NMNAT2: variants seen among roughly 807,000 people sequenced by gnomAD.
NMNAT2 encodes nicotinamide nucleotide adenylyltransferase 2.
NMNAT2 carries 11 observed loss-of-function variants against 41.6 expected under a neutral mutation model. The observed-to-expected ratio is 0.26, with a 90% CI of 0.17 to 0.44. NMNAT2 has a LOEUF of 0.44. Among genes scored for constraint, NMNAT2 ranks in the 20% least tolerant of loss-of-function variants. NMNAT2 has a pLI of 1.00. For missense variants in NMNAT2, 288 were observed against 407.7 expected, an observed-to-expected ratio of 0.71 and a Z score of 2.53; for synonymous variants, 148 against 151.2, an observed-to-expected ratio of 0.98 and a Z score of 0.16.
rs140805634 is a variant in NMNAT2, at chr1:183,304,738, A to G, written c.86-10945T>C. 13 of 1,613,818 alleles carry G rather than the reference A, an allele frequency of 8.1e-6. No individual in the cohort carries two copies. The African/African-American group carries it at 1.6e-4, about 20-fold the overall frequency. On this transcript the variant is annotated intron_variant, in intron 1 of 10. Coordinates refer to ENST00000287713, the MANE Select transcript of NMNAT2 (RefSeq NM_015039.4). ...AATTTCCTCTAGTTCCTGGATTTCC[A>G]TCTATTTGTCTGGTTTTTGCAGCCA... is the stretch of plus-strand genomic sequence containing the variant.
At chr1:183,417,982 C>T (rs1453414501) in intron 1 of NMNAT2, among the ~76,000 whole-genome samples, 1 of 152,104 alleles carries the variant, frequency 6.6e-6, no homozygotes, top group Non-Finnish European at 1.5e-5. Context: ...GGGTCTGGCC[C>T]CGGCAAGTGA....
intron 1 of NMNAT2, among the ~76,000 whole-genome samples, chr1:183,326,370 C>A (rs2102334708): frequency 1.3e-5 from 1 of 77,478 alleles, no homozygotes; most frequent in Non-Finnish European, 2.3e-5. Context: ...AGTGAGACTC[C>A]ATCTCAAAAA....
intron 1 of NMNAT2, among the ~76,000 whole-genome samples, chr1:183,334,091 G>A (rs997640994): frequency 2.6e-5 from 4 of 152,216 alleles, no homozygotes; most frequent in Non-Finnish European, 1.5e-5. Flanking sequence ...TTGAGACGGT[G>A]TCTTGCTCTG....
At chr1:183,287,710 G>C (rs926992265) in intron 4 of NMNAT2, among the ~76,000 whole-genome samples, 4 of 152,194 alleles carry the variant, frequency 2.6e-5, no homozygotes, top group African/African-American at 9.7e-5. Context: ...GCTTATTCAA[G>C]GTTTCTTCGT....
At chr1:183,271,751 A>G (rs549034058) in intron 8 of NMNAT2, among the ~76,000 whole-genome samples, 3 of 151,558 alleles carry the variant, frequency 2.0e-5, no homozygotes, top group Admixed American at 6.6e-5. Context: ...AATCAGAATT[A>G]TTTTTTTCTT....
At chr1:183,375,882 T>C (rs1360504778) in intron 1 of NMNAT2, among the ~76,000 whole-genome samples, 2 of 152,212 alleles carry the variant, frequency 1.3e-5, no homozygotes, top group East Asian at 3.8e-4. Context: ...CACACTCTGG[T>C]ATTAGAACAA....
chr1:183,405,063 AG>A (rs1221665577), intron 1 of NMNAT2, among the ~76,000 whole-genome samples: 6 of 152,112 alleles, frequency 3.9e-5, no homozygotes, highest in African/African-American at 1.4e-4. Flanking sequence ...TCTATAAAAA[AG>A]CAAAAATTAG....
intron 1 of NMNAT2, among the ~76,000 whole-genome samples, chr1:183,405,593 AT>A (rs2101929021): frequency 6.6e-6 from 1 of 152,336 alleles, no homozygotes; most frequent in African/African-American, 2.4e-5. Context: ...CGTCCACCAC[AT>A]GGCCATGAGG....
chr1:183,358,330 G>A (rs1034371376), intron 1 of NMNAT2, among the ~76,000 whole-genome samples: 3 of 152,112 alleles, frequency 2.0e-5, no homozygotes, highest in South Asian at 2.1e-4. Context: ...TAATATCTGG[G>A]CAATGAAATA....
chr1:183,256,811 G>C (rs887614162), intron 10 of NMNAT2, among the ~76,000 whole-genome samples: 1 of 152,040 alleles, frequency 6.6e-6, no homozygotes, highest in South Asian at 2.1e-4. Flanking sequence ...GTGCAGCAGC[G>C]CATGATCTCA....
At chr1:183,346,930 A>G (rs1432302974) in intron 1 of NMNAT2, among the ~76,000 whole-genome samples, 3 of 152,184 alleles carry the variant, frequency 2.0e-5, no homozygotes, top group Non-Finnish European at 4.4e-5. Flanking sequence ...CAAAGCAAAA[A>G]AAAGAGCAAA....
intron 1 of NMNAT2, among the ~76,000 whole-genome samples, chr1:183,381,710 T>C (rs1450584724): frequency 6.6e-6 from 1 of 151,976 alleles, no homozygotes; most frequent in Non-Finnish European, 1.5e-5. Flanking sequence ...AGAAAATAAA[T>C]AAAATAAAAA....
At chr1:183,361,028 A>G (rs2102359058) in intron 1 of NMNAT2, among the ~76,000 whole-genome samples, 1 of 152,346 alleles carries the variant, frequency 6.6e-6, no homozygotes, top group South Asian at 2.1e-4. Context: ...TTCTGTCTTA[A>G]TGATCATCAA....
chr1:183,262,089 C>A (rs1272478361), intron 8 of NMNAT2, among the ~76,000 whole-genome samples: 1 of 151,936 alleles, frequency 6.6e-6, no homozygotes, highest in Non-Finnish European at 1.5e-5. Flanking sequence ...CCATACCTGG[C>A]TAACTTTTTT....
intron 1 of NMNAT2, among the ~76,000 whole-genome samples, chr1:183,341,317 T>C (rs1662796368): frequency 6.6e-6 from 1 of 151,942 alleles, no homozygotes; most frequent in African/African-American, 2.4e-5. Context: ...CTATAAACAA[T>C]ATAAGTGAGG....
At chr1:183,309,413 G>A (rs1329087378) in intron 1 of NMNAT2, among the ~76,000 whole-genome samples, 2 of 152,146 alleles carry the variant, frequency 1.3e-5, no homozygotes, top group Admixed American at 1.3e-4. Context: ...ATTAGGAGCC[G>A]ATTCCAGGAG....
chr1:183,367,373 G>T (rs757437669), intron 1 of NMNAT2, among the ~76,000 whole-genome samples: 5 of 152,142 alleles, frequency 3.3e-5, no homozygotes, highest in Admixed American at 2.0e-4. Context: ...CAGGAGAATC[G>T]CTTGAACCCA....
At chr1:183,306,720 A>T (rs1661999924) in intron 1 of NMNAT2, among the ~76,000 whole-genome samples, 1 of 152,200 alleles carries the variant, frequency 6.6e-6, no homozygotes, top group South Asian at 2.1e-4. Flanking sequence ...CCCCAAAATA[A>T]AGCCTTTGTA....
intron 10 of NMNAT2, among the ~76,000 whole-genome samples, chr1:183,260,616 G>A (rs1046959717): frequency 4.6e-5 from 7 of 152,030 alleles, no homozygotes; most frequent in Non-Finnish European, 8.8e-5. Context: ...TCAGGAGTTC[G>A]AGACCAGCCT....
Sources: gnomAD v4.1 joint callset for allele counts (sites outside exome capture counted in the v4.1 genomes callset) on GRCh38, gnomAD v4.1.1 for gene constraint, MANE v1.5 for transcripts, NCBI Gene and HGNC (gene_info 2026-07-23, HGNC 2026-07-21) for gene names.